Variants in PRSS23 observed in about 807,000 individuals in gnomAD.
PRSS23 encodes protease, serine 23.
Under a neutral mutation model 34.7 loss-of-function variants are expected in PRSS23, and 25 were observed. The ratio of observed to expected loss-of-function variants is 0.72; its 90% CI spans 0.53 to 1.01. The LOEUF is 1.01. Among genes scored for constraint, PRSS23 ranks in the 50% least tolerant of loss-of-function variants. The pLI is 0.00. For synonymous variants in PRSS23, 176 were observed against 186.6 expected, an observed-to-expected ratio of 0.94 and a Z score of 0.46; for missense variants, 445 against 475.6, an observed-to-expected ratio of 0.94 and a Z score of 0.60.
chr11:86,836,192 C>G (rs1056480514), intron 2 of PRSS23, among the ~76,000 whole-genome samples: 13 of 152,130 alleles, frequency 8.5e-5, no homozygotes, highest in Non-Finnish European at 1.5e-4. Context: ...AGATCTTGCA[C>G]TAACCTCCAC....
intron 1 of PRSS23, 110 bp downstream of exon 1, chr11:86,800,761 C>A: frequency 1.7e-6 from 1 of 575,208 alleles, no homozygotes; most frequent in Non-Finnish European, 2.2e-6. Flanking sequence ...CTGCGGGCTG[C>A]CGGAGGCACC....
intron 1 of PRSS23, among the ~76,000 whole-genome samples, chr11:86,817,598 T>G (rs1436866946): frequency 4.6e-5 from 7 of 152,214 alleles, no homozygotes. Context: ...TCAGCTCTCC[T>G]GTTTGCCACT....
At chr11:86,844,411 T>TA (rs11319772) in intron 2 of PRSS23, among the ~76,000 whole-genome samples, 3 of 150,972 alleles carry the variant, frequency 2.0e-5, no homozygotes, top group African/African-American at 4.9e-5. Context: ...TAAAGTATAA[T>TA]AAAAAAAAAA....
chr11:86,813,429 G>A (rs1948194109), downstream of PRSS23, among the ~76,000 whole-genome samples: 1 of 152,166 alleles, frequency 6.6e-6, no homozygotes, highest in African/African-American at 2.4e-5. Flanking sequence ...ATAGATTCCA[G>A]CCAGCTCATA....
chr11:86,908,375 T>A (rs2085535157), intron 2 of PRSS23, among the ~76,000 whole-genome samples: 1 of 152,234 alleles, frequency 6.6e-6, no homozygotes, highest in African/African-American at 2.4e-5. Context: ...ATATCTATAA[T>A]TTTGGCCTTT....
At chr11:86,856,136 C>A (rs765612349) in intron 2 of PRSS23, among the ~76,000 whole-genome samples, 30 of 152,072 alleles carry the variant, frequency 2.0e-4, no homozygotes, top group Non-Finnish European at 7.4e-5. Flanking sequence ...AAATCTATAA[C>A]TTCAACAAAT....
chr11:86,951,760 T>G, exon 3 of PRSS23: 1 of 1,614,106 alleles, frequency 6.2e-7, no homozygotes, highest in Non-Finnish European at 8.5e-7. Flanking sequence ...CCCATTTGAG[T>G]CCTGCTGCCA....
intron 1 of PRSS23, among the ~76,000 whole-genome samples, chr11:86,822,176 G>A (rs1762128263): frequency 6.6e-6 from 1 of 152,106 alleles, no homozygotes; most frequent in South Asian, 2.1e-4. Context: ...AGGCATAGTA[G>A]GTAAAACTGA....
intron 2 of PRSS23, among the ~76,000 whole-genome samples, chr11:86,825,966 T>A (rs1948296971): frequency 6.6e-6 from 1 of 152,218 alleles, no homozygotes; most frequent in African/African-American, 2.4e-5. Flanking sequence ...CAATGCGGGA[T>A]CTTTTTGGTT....
intron 2 of PRSS23, among the ~76,000 whole-genome samples, chr11:86,827,925 A>G (rs1948316618): frequency 6.6e-6 from 1 of 152,136 alleles, no homozygotes; most frequent in African/African-American, 2.4e-5. Context: ...TATGTGACCA[A>G]TTTTGGAATA....
chr11:86,835,433 A>T (rs1231812620), intron 2 of PRSS23, among the ~76,000 whole-genome samples: 1 of 152,230 alleles, frequency 6.6e-6, no homozygotes. Flanking sequence ...TATAAAGAAA[A>T]GTCTTGCCCC....
At chr11:86,792,951 C>A (rs932572869) in intron 1 of PRSS23, among the ~76,000 whole-genome samples, 1 of 152,200 alleles carries the variant, frequency 6.6e-6, no homozygotes, top group Non-Finnish European at 1.5e-5. Flanking sequence ...CAGCTCACTG[C>A]AACCTTGACC....
At chr11:86,859,935 T>A (rs546505734) in intron 2 of PRSS23, among the ~76,000 whole-genome samples, 1 of 151,970 alleles carries the variant, frequency 6.6e-6, no homozygotes, top group Non-Finnish European at 1.5e-5. Flanking sequence ...CGTGATATTG[T>A]TACTATTATC....
chr11:86,831,351 T>A (rs1404941029), intron 2 of PRSS23, among the ~76,000 whole-genome samples: 1 of 151,870 alleles, frequency 6.6e-6, no homozygotes, highest in East Asian at 1.9e-4. Context: ...CCTAGAAAGT[T>A]GTTACTCCTC....
intron 2 of PRSS23, among the ~76,000 whole-genome samples, chr11:86,925,606 A>G (rs114216919): frequency 1.2e-3 from 179 of 152,332 alleles, no homozygotes; most frequent in African/African-American, 4.3e-3. Flanking sequence ...GAATATTACA[A>G]TAATAACAAC....
chr11:86,866,558 A>G (rs1284387140), intron 2 of PRSS23, among the ~76,000 whole-genome samples: 2 of 152,190 alleles, frequency 1.3e-5, no homozygotes, highest in Non-Finnish European at 2.9e-5. Flanking sequence ...AACACCTTTT[A>G]TATATGCCAG....
At chr11:86,832,144 T>G (rs1948362685) in intron 2 of PRSS23, among the ~76,000 whole-genome samples, 1 of 152,080 alleles carries the variant, frequency 6.6e-6, no homozygotes, top group African/African-American at 2.4e-5. Flanking sequence ...ACTGGTGGTG[T>G]TCACCATGTG....
Position 86,808,387 on chromosome 11 carries a change from C to T in PRSS23, c.744C>T (p.Ala248=), listed in dbSNP as rs960579707. ...ANDIGMDYDY[A]LLELKKPHKR... Reference sequence around the variant, plus strand: ...ACATCGGCATGGATTATGATTATGCCCTCCTGGAACTCAAAAAGCCCCACA... The same window carrying T: ...ACATCGGCATGGATTATGATTATGCTCTCCTGGAACTCAAAAAGCCCCACA... Residue 248 remains alanine (A), a synonymous_variant, in exon 2 of 2, where the codon GCC becomes GCT. Transcript: ENST00000280258. 2.5e-6 allele frequency: 4 copies of T among 1,614,044 alleles called. No homozygotes were observed. In the African/African-American group the frequency reaches 5.3e-5, roughly 22 times the overall value.
At chr11:86,939,426 A>ATATATTTTT in intron 2 of PRSS23, among the ~76,000 whole-genome samples, 83 of 94,052 alleles carry the variant, frequency 8.8e-4, no homozygotes, top group East Asian at 2.4e-3. Flanking sequence ...ATATATATAT[A>ATATATTTTT]TTTTTTAACA....
Sources: gnomAD v4.1 joint callset for allele counts (sites outside exome capture counted in the v4.1 genomes callset) on GRCh38, gnomAD v4.1.1 for gene constraint, MANE v1.5 for transcripts, NCBI Gene and HGNC (gene_info 2026-07-23, HGNC 2026-07-21) for gene names.